The following TMEM117 variants were observed in gnomAD, a reference collection of about 807,000 sequenced individuals.
TMEM117 encodes transmembrane protein 117.
Under a neutral mutation model 52.4 loss-of-function variants are expected in TMEM117, and 27 were observed. The ratio of observed to expected loss-of-function variants is 0.51; its 90% CI spans 0.38 to 0.71. The LOEUF is 0.71. Ranked by LOEUF, TMEM117 falls within the 30% of genes least tolerant of loss-of-function variation. The pLI is 0.00. For missense variants in TMEM117, 556 were observed against 630.5 expected (o/e 0.88, Z 1.26); for synonymous variants, 215 against 206.3 (o/e 1.04, Z -0.36).
intron 4 of TMEM117, among the ~76,000 whole-genome samples, chr12:44,171,102 A>G (rs1178020527): frequency 4.5e-5 from 6 of 133,126 alleles, no homozygotes; most frequent in African/African-American, 8.7e-5. Flanking sequence ...TGCAAGCTCC[A>G]CCTCCCGGGT....
intron 6 of TMEM117, among the ~76,000 whole-genome samples, chr12:44,355,490 G>A (rs1379545657): frequency 2.0e-5 from 3 of 152,002 alleles, no homozygotes; most frequent in African/African-American, 7.2e-5. Flanking sequence ...TAGAGGATGG[G>A]CCTGCCAGGA....
chr12:44,254,711 G>A (rs1466872371), intron 5 of TMEM117, among the ~76,000 whole-genome samples: 1 of 151,818 alleles, frequency 6.6e-6, no homozygotes, highest in African/African-American at 2.4e-5. Flanking sequence ...ACAATGTGCA[G>A]GTTTGTTACA....
intron 5 of TMEM117, among the ~76,000 whole-genome samples, chr12:44,215,731 A>T (rs75560812): frequency 3.4e-5 from 5 of 145,742 alleles, no homozygotes; most frequent in African/African-American, 5.1e-5. Flanking sequence ...GCTTTTTTTA[A>T]AAAAAAAAAA....
downstream of TMEM117, among the ~76,000 whole-genome samples, chr12:44,392,035 C>A (rs117658621): frequency 0.036 from 5,465 of 152,168 alleles, 129 homozygotes; most frequent in Non-Finnish European, 0.051. Flanking sequence ...CCTCATTTAT[C>A]CCCATTTAGA....
chr12:44,143,655 A>G, intron 4 of TMEM117, 31 bp downstream of exon 4: 2 of 1,504,614 alleles, frequency 1.3e-6, no homozygotes, highest in Non-Finnish European at 1.8e-6. Flanking sequence ...CCCATTTCAA[A>G]CATCAAACGG....
intron 2 of TMEM117, among the ~76,000 whole-genome samples, chr12:43,912,777 A>G (rs1448283339): frequency 6.6e-6 from 1 of 151,918 alleles, no homozygotes; most frequent in African/African-American, 2.4e-5. Context: ...CCTTTAATGC[A>G]TGTACCCCAA....
At chr12:44,262,733 C>T (rs536712561) in intron 5 of TMEM117, among the ~76,000 whole-genome samples, 19 of 152,096 alleles carry the variant, frequency 1.2e-4, no homozygotes, top group Admixed American at 4.6e-4. Flanking sequence ...ATTACAGGTG[C>T]GTGCCACCAC....
chr12:44,307,887 A>G (rs1004429530), intron 6 of TMEM117, among the ~76,000 whole-genome samples: 2 of 152,232 alleles, frequency 1.3e-5, no homozygotes, highest in Non-Finnish European at 2.9e-5. Flanking sequence ...TGGGTTTATC[A>G]GGCAAAAACT....
chr12:44,276,479 C>G (rs1056138736), intron 5 of TMEM117, among the ~76,000 whole-genome samples: 7 of 151,930 alleles, frequency 4.6e-5, no homozygotes, highest in African/African-American at 1.4e-4. Context: ...TGGGTATCAG[C>G]AGCTGGGGGT....
At chr12:44,210,745 G>A (rs1262317418) in intron 4 of TMEM117, among the ~76,000 whole-genome samples, 1 of 152,138 alleles carries the variant, frequency 6.6e-6, no homozygotes, top group African/African-American at 2.4e-5. Flanking sequence ...ATCTGTGCAG[G>A]TGAGGAAAAG....
chr12:44,378,111 G>C (rs1416667298), intron 7 of TMEM117, among the ~76,000 whole-genome samples: 1 of 152,094 alleles, frequency 6.6e-6, no homozygotes, highest in Non-Finnish European at 1.5e-5. Flanking sequence ...CCTTTGGGGG[G>C]GGCTTTTGCG....
intron 3 of TMEM117, among the ~76,000 whole-genome samples, chr12:44,130,427 C>T (rs1231254831): frequency 1.3e-5 from 2 of 152,148 alleles, no homozygotes; most frequent in African/African-American, 4.8e-5. Context: ...TCTTACTTTG[C>T]TAAATAGTTT....
Position 44,388,478 on chromosome 12 carries a change from G to A in TMEM117, c.1351G>A (p.Glu451Lys). The A allele has an allele frequency of 6.2e-7, 1 of 1,613,396 alleles. No individual in the cohort carries two copies. The highest frequency in any genetic ancestry group is 1.3e-5 in the African/African-American group (1 of 74,998). ...TAGCAAAGACATGGGAATCACTCGA[G>A]AAAACACCCAGGCTTCAGTAGAAGA... The part of the protein sequence containing the change: ...EHSKDMGITR[E>K]NTQASVEDPL... The change falls in exon 8 of 8, where the codon GAA becomes AAA. Residue 451 changes from glutamate (E) to lysine (K), a missense_variant. Transcript: ENST00000266534.
At chr12:44,046,914 G>A (rs377541426) in intron 3 of TMEM117, among the ~76,000 whole-genome samples, 3 of 152,260 alleles carry the variant, frequency 2.0e-5, no homozygotes, top group South Asian at 4.1e-4. Context: ...ATTGTATTAT[G>A]TTAGGCATAA....
intron 4 of TMEM117, among the ~76,000 whole-genome samples, chr12:44,160,126 C>T (rs574672747): frequency 2.6e-5 from 4 of 152,096 alleles, no homozygotes; most frequent in South Asian, 4.2e-4. Flanking sequence ...AAATAAGTAC[C>T]GAGAATGTGT....
intron 2 of TMEM117, among the ~76,000 whole-genome samples, chr12:43,929,057 G>T (rs1944829966): frequency 6.6e-6 from 1 of 151,478 alleles, no homozygotes; most frequent in African/African-American, 2.4e-5. Context: ...ATAAACATAT[G>T]TGTGCATGTG....
At chr12:44,102,096 A>T (rs1219630364) in intron 3 of TMEM117, among the ~76,000 whole-genome samples, 1 of 152,062 alleles carries the variant, frequency 6.6e-6, no homozygotes, top group Non-Finnish European at 1.5e-5. Flanking sequence ...AATGAAGAAC[A>T]GGAAAAGGAA....
chr12:43,962,649 C>T (rs566671563), intron 3 of TMEM117, among the ~76,000 whole-genome samples: 4 of 152,060 alleles, frequency 2.6e-5, no homozygotes, highest in Non-Finnish European at 5.9e-5. Context: ...GGGCCGGGCA[C>T]GTGGCTCACA....
At chr12:44,084,224 A>C (rs1326409968) in intron 3 of TMEM117, among the ~76,000 whole-genome samples, 2 of 152,146 alleles carry the variant, frequency 1.3e-5, no homozygotes, top group Non-Finnish European at 2.9e-5. Flanking sequence ...CAAGGGGAAT[A>C]CTAAATTTGG....
Sources: gnomAD v4.1 joint callset for allele counts (sites outside exome capture counted in the v4.1 genomes callset) on GRCh38, gnomAD v4.1.1 for gene constraint, MANE v1.5 for transcripts, NCBI Gene and HGNC (gene_info 2026-07-23, HGNC 2026-07-21) for gene names.